Variants in GCN1 observed in about 807,000 individuals in gnomAD.
GCN1 encodes the protein GCN1 activator of EIF2AK4.
GCN1 carries 90 observed loss-of-function variants against 288.4 expected under a neutral mutation model. That is an observed-to-expected ratio of 0.31 (90% CI 0.26 to 0.37). GCN1 has a LOEUF of 0.37. GCN1 is among the 10% of genes least tolerant of loss of function. GCN1 has a pLI of 1.00. For synonymous variants in GCN1, 1,386 were observed against 1,420.2 expected, an observed-to-expected ratio of 0.98 and a Z score of 0.54; for missense variants, 2,586 against 3,419.9, an observed-to-expected ratio of 0.76 and a Z score of 6.08.
Position 120,155,732 on chromosome 12 carries a change from G to A in GCN1, c.3313-13C>T. On this transcript the variant is annotated splice_polypyrimidine_tract_variant and intron_variant, in intron 28 of 57. Coordinates refer to ENST00000300648, the MANE Select transcript of GCN1 (RefSeq NM_006836.2). The surrounding 1 kb of genome is among the most constrained non-coding windows in gnomAD (Gnocchi z 4.9). ...GTTCCATCAGCCCCTGGAAGGGGTG[G>A]GATTGGACCGTGTGAGGCATCATCT... 1 of 1,613,676 alleles carries A rather than the reference G, an allele frequency of 6.2e-7. No homozygotes were observed. Among genetic ancestry groups the A allele is most frequent in the Non-Finnish European group, 8.5e-7 (1 of 1,179,870 alleles).
chr12:120,188,220 G>T (rs906174074), intron 2 of GCN1, among the ~76,000 whole-genome samples: 1 of 151,910 alleles, frequency 6.6e-6, no homozygotes, highest in Non-Finnish European at 1.5e-5. Flanking sequence ...GATAACCTGA[G>T]ATCAGGAGTT....
chr12:120,158,920 G>A lies in GCN1; in HGVS notation c.2750-305C>T, dbSNP rs1357405300. Among the ~76,000 whole-genome samples the A allele has an allele frequency of 6.6e-6, 1 of 151,502 alleles. No homozygotes were observed. Among genetic ancestry groups the A allele is most frequent in the Non-Finnish European group, 1.5e-5 (1 of 67,950 alleles). On this transcript the variant is annotated intron_variant, in intron 24 of 57. Transcript: ENST00000300648. The surrounding 1 kb of genome is among the most constrained non-coding windows in gnomAD (Gnocchi z 4.3). ...CCAGCTACTCAGGAGGCTCAAGAAG[G>A]AGAATGGCATGAACCCGGGAAGCGG...
At chr12:120,184,325 T>C in intron 3 of GCN1, 82 bp from the exon 4 acceptor site, 1 of 1,237,612 alleles carries the variant, frequency 8.1e-7, no homozygotes, top group South Asian at 1.4e-5. Context: ...CATACACTGG[T>C]CTTTCTCAGG....
chr12:120,146,401 G>A (rs1474999701), intron 38 of GCN1, among the ~76,000 whole-genome samples: 1 of 151,796 alleles, frequency 6.6e-6, no homozygotes, highest in African/African-American at 2.4e-5. Context: ...CCCCAGGCTG[G>A]AGTGCGGTGG....
intron 26 of GCN1, 36 bp downstream of exon 26, chr12:120,157,813 T>C (rs375506303): frequency 3.1e-6 from 5 of 1,588,416 alleles, no homozygotes; most frequent in Non-Finnish European, 4.3e-6. Flanking sequence ...CCTGATCCCC[T>C]TTAAACCAAG....
At chr12:120,141,170 C>G (rs1312441192) in intron 44 of GCN1, 147 bp from the exon 45 acceptor site, 3 of 670,770 alleles carry the variant, frequency 4.5e-6, no homozygotes, top group Non-Finnish European at 7.7e-6. Context: ...CCCTAAAGAG[C>G]CCCCAAATAC....
chr12:120,164,781 C>T, intron 16 of GCN1, 60 bp from the exon 17 acceptor site: 2 of 1,017,216 alleles, frequency 2.0e-6, no homozygotes, highest in Non-Finnish European at 3.1e-6. Flanking sequence ...CACATACATA[C>T]CAATACCCAG....
chr12:120,153,822 A>G lies in GCN1; in HGVS notation c.3789T>C (p.Asp1263=). Residue 1263 remains aspartate, a synonymous_variant, in exon 32 of 58, where the codon GAT becomes GAC. Coordinates refer to ENST00000300648, the MANE Select transcript of GCN1 (RefSeq NM_006836.2). The surrounding 1 kb of genome is among the most constrained non-coding windows in gnomAD (Gnocchi z 4.4). ...VKPLFQFFVP[D]ALNDRHPDVR... The stretch of plus-strand genomic sequence containing the variant: ...CATCTGGGTGTCGGTCATTGAGGGC[A>G]TCAGGGACAAAAAACTGAAAGAGTG... The G allele has an allele frequency of 6.2e-7, 1 of 1,614,120 alleles. No homozygotes were observed. The highest frequency in any genetic ancestry group is 1.3e-5 in the African/African-American group (1 of 75,044).
intron 16 of GCN1, among the ~76,000 whole-genome samples, chr12:120,167,836 A>G (rs1878181992): frequency 6.6e-6 from 1 of 152,142 alleles, no homozygotes; most frequent in South Asian, 2.1e-4. Context: ...CTGCCAGGAT[A>G]GAAACCAGTA....
In GCN1 at chr12:120,133,811, GT is replaced by G. The variant is rs1594258470; in HGVS notation, c.7317+479del. On this transcript the variant is annotated intron_variant, in intron 53 of 57. Transcript: ENST00000300648. Reference sequence around the variant, plus strand: ...CGGCCGGGCGCGGTGGCTCATGCCTGTTAATCCCAGCACTTTCGGAGCCCGA... The same window carrying G: ...CGGCCGGGCGCGGTGGCTCATGCCTGTAATCCCAGCACTTTCGGAGCCCGA... Among the ~76,000 whole-genome samples, 9 of 152,264 alleles carry G rather than the reference GT, an allele frequency of 5.9e-5. No homozygotes were observed. The South Asian group carries it at 1.2e-3, about 21-fold the overall frequency.
rs1876747122 is a variant in GCN1, at chr12:120,129,597, GACC to G, written c.7672-106_7672-104del. The G allele has an allele frequency of 3.5e-6, 3 of 853,304 alleles. No homozygotes were observed. The East Asian group carries it at 7.3e-5, about 21-fold the overall frequency. The allele number at this position is 853,304 out of a possible 1,614,324, so 52.9% of individuals were successfully genotyped here. A position where few individuals can be genotyped will look rare whatever the true frequency, so the allele number is the denominator to read the frequency against. ...ACACTCTCCCTACAGCATGAACACT[GACC>G]CCCCCTGCTCCTGTGGGAGGGTCCC... On this transcript the variant is annotated intron_variant, in intron 56 of 57. Transcript: ENST00000300648.
At position 120,137,408 on chromosome 12, in the gene GCN1, T is replaced by C. The variant is rs904915068; in HGVS notation, c.6664-89A>G. ...TATGGGGAAAGCGTGGGCGGGAGTATAAACAAGACTTGCCACGAGTGGGTA... is the reference window on the plus strand; with the variant it reads ...TATGGGGAAAGCGTGGGCGGGAGTACAAACAAGACTTGCCACGAGTGGGTA... On this transcript the variant is annotated intron_variant, in intron 49 of 57. Coordinates refer to ENST00000300648, the MANE Select transcript of GCN1 (RefSeq NM_006836.2). The surrounding 1 kb of genome is among the most constrained non-coding windows in gnomAD (Gnocchi z 5.2). The C allele has an allele frequency of 7.1e-7, 1 of 1,405,846 alleles. No homozygotes were observed. The highest frequency in any genetic ancestry group is 1.0e-6 in the Non-Finnish European group (1 of 995,946). 87.1% of individuals were successfully genotyped at this position (1,405,846 alleles called of 1,614,324 possible).
intron 16 of GCN1, among the ~76,000 whole-genome samples, chr12:120,165,000 TATAC>T (rs1313203805): frequency 3.4e-3 from 210 of 62,424 alleles, no homozygotes; most frequent in South Asian, 0.011. Context: ...TATACACATA[TATAC>T]ACACACACAC....
In GCN1 at chr12:120,177,696, C is replaced by T. The variant is rs548013528; in HGVS notation, c.717G>A (p.Pro239=). Residue 239 remains proline, a synonymous_variant, in exon 8 of 58, where the codon CCG becomes CCA. Transcript: ENST00000300648. Reference sequence around the variant, plus strand: ...ACCTCTCGCTCACCAACAGGTACTTCGGAGGCTTGACTTTGCTCATCAGGA... The same window carrying T: ...ACCTCTCGCTCACCAACAGGTACTTTGGAGGCTTGACTTTGCTCATCAGGA... The part of the protein sequence containing the change: ...KNILMSKVKP[P]KYLLDSCAPL... 2.2e-5 allele frequency: 35 copies of T among 1,613,034 alleles called. No homozygotes were observed. The South Asian group carries it at 3.3e-4, about 15-fold the overall frequency.
chr12:120,157,723 G>T, intron 26 of GCN1, 126 bp downstream of exon 26: 1 of 753,532 alleles, frequency 1.3e-6, no homozygotes, highest in Non-Finnish European at 2.1e-6. Context: ...GTGTGAGGCT[G>T]CTGTTGGTAT....
rs866625725 is a variant in GCN1 at position 120,150,924 on chromosome 12, G to A, written c.4309+221C>T. Among the ~76,000 whole-genome samples, 85 of 151,328 alleles carry A rather than the reference G, an allele frequency of 5.6e-4. 1 individual carries two copies. Among genetic ancestry groups the A allele is most frequent in the African/African-American group, 2.0e-3 (81 of 41,182 alleles). ...TGCACTCTAGCCTGGGCGACAGAGC[G>A]AGACTCCGTCTCAAAAAAAAAAAAC... On this transcript the variant is annotated intron_variant, in intron 34 of 57. Coordinates refer to ENST00000300648, the MANE Select transcript of GCN1 (RefSeq NM_006836.2).
chr12:120,129,354 C>G lies in GCN1; in HGVS notation c.7812G>C (p.Lys2604Asn), dbSNP rs774671444. ...LKALLDNTKD[K>N]NTVVRAYSDQ... Reference sequence around the variant, plus strand: ...CGCTGTAGGCCCTGACCACGGTGTTCTTATCCTTGGTGTTGTCAAGAAGAG... The same window carrying G: ...CGCTGTAGGCCCTGACCACGGTGTTGTTATCCTTGGTGTTGTCAAGAAGAG... Residue 2604 changes from lysine to asparagine, a missense_variant, in exon 57 of 58, where the codon AAG becomes AAC. By Grantham distance (94) the Lys-to-Asn change is moderately conservative. Around this residue, in one of 8 missense-constraint regions of GCN1, gnomAD observed 355 missense variants for 431.1 expected, o/e 0.82. Transcript: ENST00000300648. 3.7e-6 allele frequency: 6 copies of G among 1,614,004 alleles called. No individual in the cohort carries two copies. Among genetic ancestry groups the G allele is most frequent in the Non-Finnish European group, 4.2e-6 (5 of 1,179,990 alleles).
Position 120,156,656 on chromosome 12 carries a change from G to A in GCN1, c.3169-52C>T. On this transcript the variant is annotated intron_variant, in intron 27 of 57. Coordinates refer to ENST00000300648, the MANE Select transcript of GCN1 (RefSeq NM_006836.2). This position sits in a 1 kb window ranked among gnomAD's most constrained non-coding sequence, Gnocchi z 5.8. Reference sequence around the variant, plus strand: ...CAGTCAGCAACTCATTTACTACTAGGGGGCCAGAGAGGGATATGCACTGAG... The same window carrying A: ...CAGTCAGCAACTCATTTACTACTAGAGGGCCAGAGAGGGATATGCACTGAG... 6.3e-7 allele frequency: 1 copy of A among 1,591,016 alleles called. No homozygotes were observed. Among genetic ancestry groups the A allele is most frequent in the Non-Finnish European group, 8.6e-7 (1 of 1,161,504 alleles).
At chr12:120,140,090 G>A (rs1457010929) in intron 45 of GCN1, among the ~76,000 whole-genome samples, 2 of 152,182 alleles carry the variant, frequency 1.3e-5, no homozygotes, top group Non-Finnish European at 2.9e-5. Flanking sequence ...CTTGCCAAAT[G>A]TAAATTTTAA....
Sources: gnomAD v4.1 joint callset for allele counts (sites outside exome capture counted in the v4.1 genomes callset) on GRCh38, gnomAD v4.1.1 for gene constraint, gnomAD v4.1.1 regional missense constraint, Gnocchi (gnomAD v3.1) non-coding constraint, MANE v1.5 for transcripts, NCBI Gene and HGNC (gene_info 2026-07-23, HGNC 2026-07-21) for gene names.